Variants in DNAH3 observed in about 807,000 individuals in gnomAD.
DNAH3 encodes dynein axonemal heavy chain 3.
A neutral mutation model predicts 432.5 loss-of-function variants in DNAH3; 332 were observed. The observed-to-expected ratio is 0.77, with a 90% CI of 0.70 to 0.84. The LOEUF (loss-of-function observed/expected upper bound fraction) is 0.84, where lower values mean the gene tolerates loss of function less well. DNAH3 is among the 40% of genes least tolerant of loss of function. The pLI, the probability that DNAH3 is intolerant of heterozygous loss-of-function variation, is 0.00. For missense variants in DNAH3, 4,861 were observed against 5,114.0 expected (o/e 0.95, Z 1.51); for synonymous variants, 1,956 against 1,900.2 (o/e 1.03, Z -0.76).
intron 29 of DNAH3, 98 bp from the exon 30 acceptor site, chr16:21,050,116 G>A: frequency 1.1e-6 from 1 of 870,270 alleles, no homozygotes; most frequent in Non-Finnish European, 1.8e-6. Context: ...ATTTAGGTTA[G>A]TGCAAAAGTG....
At position 21,122,151 on chromosome 16, in the gene DNAH3, C is replaced by T. The variant is rs373933844; in HGVS notation, c.1405-27G>A. The T allele has an allele frequency of 1.9e-5, 30 of 1,574,108 alleles. No individual in the cohort carries two copies. In the African/African-American group the frequency reaches 2.9e-4, roughly 15 times the overall value. On this transcript the variant is annotated intron_variant, in intron 9 of 61. Coordinates refer to ENST00000261383, the Ensembl canonical transcript of DNAH3. ...TTCAGGAGACATAAGGTAGGGCAAG[C>T]GTTACAAAATTGGGCCTTCCAAAAT...
chr16:21,085,805 T>TG (rs1260115686), intron 19 of DNAH3, among the ~76,000 whole-genome samples: 1 of 151,804 alleles, frequency 6.6e-6, no homozygotes, highest in East Asian at 1.9e-4. Context: ...TGTCCCCCCG[T>TG]TACCCAGGCT....
Position 21,087,533 on chromosome 16 carries a change from G to A in DNAH3, c.2666-473C>T, listed in dbSNP as rs9922983. The stretch of plus-strand genomic sequence containing the variant: ...ACCCCATCTCTACAAAAAATGAGAA[G>A]AAAAAGAAAAAAGAAAAAAATTGTT... On this transcript the variant is annotated intron_variant, in intron 18 of 61. Transcript: ENST00000261383. Among the ~76,000 whole-genome samples the A allele has an allele frequency of 7.4e-3, 1,127 of 151,284 alleles. 24 individuals carry two copies. Among genetic ancestry groups the A allele is most frequent in the African/African-American group, 0.026 (1,064 of 41,230 alleles).
At chr16:21,003,129 T>C (rs2087112592) in exon 42 of DNAH3, 1 of 1,612,366 alleles carries the variant, frequency 6.2e-7, no homozygotes, top group Non-Finnish European at 8.5e-7. Context: ...AACTTTTTCC[T>C]CCTCTTTGGT....
exon 19 of DNAH3, chr16:21,086,896 G>A (rs1270152257): frequency 1.2e-6 from 2 of 1,614,062 alleles, no homozygotes; most frequent in African/African-American, 1.3e-5. Context: ...GAAATACTGA[G>A]GATGGGAATG....
At chr16:21,036,956 C>T (rs2089202246) in intron 34 of DNAH3, 108 bp from the exon 35 acceptor site, 6 of 884,928 alleles carry the variant, frequency 6.8e-6, no homozygotes, top group Admixed American at 2.8e-5. Flanking sequence ...TTGAAAAATT[C>T]CAGACCTTAT....
At chr16:21,143,089 C>T (rs2092741168) in intron 3 of DNAH3, among the ~76,000 whole-genome samples, 1 of 152,130 alleles carries the variant, frequency 6.6e-6, no homozygotes, top group African/African-American at 2.4e-5. Flanking sequence ...CATCTTAGTA[C>T]TTTATATTCA....
intron 7 of DNAH3, among the ~76,000 whole-genome samples, chr16:21,133,518 A>G (rs1185489227): frequency 6.6e-6 from 1 of 152,090 alleles, no homozygotes; most frequent in African/African-American, 2.4e-5. Flanking sequence ...AGGCTGGCAG[A>G]TCACCTGAGA....
chr16:21,140,336 T>C (rs1263109440), intron 5 of DNAH3, 200 bp downstream of exon 6: 5 of 523,760 alleles, frequency 9.5e-6, no homozygotes, highest in African/African-American at 9.5e-5. Context: ...AGAGAACATG[T>C]ACACACACTC....
At chr16:21,023,151 T>C (rs2088342098) in intron 39 of DNAH3, among the ~76,000 whole-genome samples, 1 of 152,166 alleles carries the variant, frequency 6.6e-6, no homozygotes, top group African/African-American at 2.4e-5. Flanking sequence ...TCTATATAGA[T>C]AATTTATGTA....
intron 44 of DNAH3, among the ~76,000 whole-genome samples, chr16:20,994,682 T>A (rs1226908888): frequency 6.6e-6 from 1 of 152,114 alleles, no homozygotes; most frequent in Admixed American, 6.6e-5. Context: ...AACCACTTAT[T>A]CTACTTTTTG....
At chr16:21,070,807 G>A in exon 22 of DNAH3, 1 of 1,608,040 alleles carries the variant, frequency 6.2e-7, no homozygotes. Context: ...GTCATCAATT[G>A]CACACAAGAT....
intron 42 of DNAH3, 113 bp from the exon 43 acceptor site, chr16:21,000,631 C>T: frequency 1.0e-6 from 1 of 969,486 alleles, no homozygotes; most frequent in Non-Finnish European, 1.5e-6. Context: ...ATCTTTATGA[C>T]CTTAGGCGAG....
chr16:21,023,265 G>T (rs988698130), intron 39 of DNAH3, among the ~76,000 whole-genome samples: 4 of 152,132 alleles, frequency 2.6e-5, no homozygotes, highest in Non-Finnish European at 5.9e-5. Flanking sequence ...CTAATTGCAC[G>T]GTAGTAGTGC....
intron 31 of DNAH3, among the ~76,000 whole-genome samples, chr16:21,047,793 C>G (rs914770593): frequency 1.3e-5 from 2 of 151,084 alleles, no homozygotes; most frequent in African/African-American, 4.9e-5. Context: ...TGTTTTTTCC[C>G]CATCTTTGTG....
Position 20,990,683 on chromosome 16 carries a change from A to G in DNAH3, c.6602-2618T>C, listed in dbSNP as rs140594976. On this transcript the variant is annotated intron_variant, in intron 44 of 61. Transcript: ENST00000261383. ...AAACAAATGTATAGTTTAGTAAATC[A>G]TTATAAGGTTAACACTCTTAGCATC... Among the ~76,000 whole-genome samples, 363 of 152,298 alleles carry G rather than the reference A, an allele frequency of 2.4e-3. 1 individual carries two copies. The highest frequency in any genetic ancestry group is 8.1e-3 in the African/African-American group (338 of 41,564).
rs374940523 is a variant in DNAH3, at chr16:20,997,500, C to T, written c.6422-38G>A. The T allele has an allele frequency of 6.5e-5, 104 of 1,604,556 alleles. No individual in the cohort carries two copies. In the African/African-American group the frequency reaches 1.2e-3, roughly 18 times the overall value. On this transcript the variant is annotated intron_variant, in intron 43 of 61. Transcript: ENST00000261383. ...ACCACAGATACAGCCATTGCAAGTT[C>T]ATGGCATCTTCTGCTCTTACAGAGG...
chr16:21,145,201 C>A (rs1459434429), exon 3 of DNAH3: 1 of 1,612,206 alleles, frequency 6.2e-7, no homozygotes, highest in East Asian at 2.2e-5. Flanking sequence ...CAGCCCCTGA[C>A]CGGTCCTGTC....
chr16:21,064,860 G>GGTGTGTGTGTGT (rs369066790), intron 24 of DNAH3, among the ~76,000 whole-genome samples: 7 of 131,700 alleles, frequency 5.3e-5, no homozygotes, highest in African/African-American at 1.4e-4. Flanking sequence ...TATTGAGGTA[G>GGTGTGTGTGTGT]GTGTGTGTGT....
Sources: allele counts gnomAD v4.1 joint callset (sites outside exome capture counted in the v4.1 genomes callset), GRCh38; gene constraint gnomAD v4.1.1; transcripts MANE v1.5; gene names NCBI Gene and HGNC (gene_info 2026-07-23, HGNC 2026-07-21).